The following DNAH2 variants were observed in gnomAD, a reference collection of about 807,000 sequenced individuals.
DNAH2 encodes axonemal beta dynein heavy chain 2.
In DNAH2, 323 loss-of-function variants were observed where a neutral mutation model predicts 523.5. The ratio of observed to expected loss-of-function variants is 0.62; its 90% confidence interval spans 0.56 to 0.68. The LOEUF (loss-of-function observed/expected upper bound fraction) is 0.68, where lower values mean the gene tolerates loss of function less well. DNAH2 is among the 30% of genes least tolerant of loss of function. The pLI, the probability that DNAH2 is intolerant of heterozygous loss-of-function variation, is 0.00. For synonymous variants in DNAH2, 2,093 were observed against 2,177.4 expected, an observed-to-expected ratio of 0.96 and a Z score of 1.08; for missense variants, 4,907 against 5,701.5, an observed-to-expected ratio of 0.86 and a Z score of 4.49.
At chr17:7,796,338 C>T (rs1055978099) in intron 49 of DNAH2, 126 bp from the exon 50 acceptor site, 61 of 1,070,114 alleles carry the variant, frequency 5.7e-5, no homozygotes, top group South Asian at 1.5e-4. Context: ...CATGAGCCAC[C>T]GTGCCCGGCC....
At chr17:7,753,512 G>A (rs926448270) in intron 12 of DNAH2, among the ~76,000 whole-genome samples, 6 of 152,158 alleles carry the variant, frequency 3.9e-5, no homozygotes, top group African/African-American at 7.2e-5. Context: ...TATCCCCAGC[G>A]CCTAGCTGAA....
In DNAH2 at chr17:7,779,425, T is replaced by C; in HGVS notation, c.5722+2T>C. The C allele has an allele frequency of 6.2e-7, 1 of 1,612,988 alleles. No individual in the cohort carries two copies. The highest frequency in any genetic ancestry group is 1.1e-5 in the South Asian group (1 of 90,838). On this transcript the variant is annotated splice_donor_variant, in intron 36 of 85. Coordinates refer to ENST00000572933, the MANE Select transcript of DNAH2 (RefSeq NM_020877.5). LOFTEE classifies it high-confidence loss of function. Reference sequence around the variant, plus strand: ...GGATCTTCATTACCATGAATCCTGGTAGGTGGCAGGGAGTGGATGGGACTC... The same window carrying C: ...GGATCTTCATTACCATGAATCCTGGCAGGTGGCAGGGAGTGGATGGGACTC...
intron 9 of DNAH2, 136 bp downstream of exon 9, chr17:7,740,074 G>GT (rs201420023): frequency 5.3e-6 from 3 of 564,486 alleles, no homozygotes; most frequent in South Asian, 1.9e-5. Context: ...CCCGGGGGGG[G>GT]GGACAGGAGA....
chr17:7,721,004 C>CTTTTTT (rs71159523), intron 2 of DNAH2, among the ~76,000 whole-genome samples: 48 of 109,718 alleles, frequency 4.4e-4, no homozygotes, highest in African/African-American at 7.5e-4. Context: ...TTCTTTCTTT[C>CTTTTTT]TTTTTTTTTT....
chr17:7,742,286 C>G (rs1299797693), intron 11 of DNAH2, among the ~76,000 whole-genome samples: 2 of 152,018 alleles, frequency 1.3e-5, no homozygotes, highest in Non-Finnish European at 2.9e-5. Flanking sequence ...AAAAAGTTAG[C>G]CAGGTGTGGT....
chr17:7,792,395 G>A lies in DNAH2; in HGVS notation c.7145+52G>A, dbSNP rs752022690. 8.9e-6 allele frequency: 14 copies of A among 1,575,370 alleles called. No individual in the cohort carries two copies. In the African/African-American group the frequency reaches 1.9e-4, roughly 21 times the overall value. The stretch of plus-strand genomic sequence containing the variant: ...GGGCATGGGGCAGCGGTAGGTGGGG[G>A]ATGTGGCAAGAGAGATGGGGCCTAG... On this transcript the variant is annotated intron_variant, in intron 46 of 85. Coordinates refer to ENST00000572933, the MANE Select transcript of DNAH2 (RefSeq NM_020877.5).
rs757186674 is a variant in DNAH2 at position 7,740,613 on chromosome 17, C to T, written c.1506+64C>T. On this transcript the variant is annotated intron_variant, in intron 10 of 85. Coordinates refer to ENST00000572933, the MANE Select transcript of DNAH2 (RefSeq NM_020877.5). Reference sequence around the variant, plus strand: ...CGTGCTTTCCTGGAGTCCCTCCTTCCGGAGGCCCTCCTGCCTCCACGTGTG... The same window carrying T: ...CGTGCTTTCCTGGAGTCCCTCCTTCTGGAGGCCCTCCTGCCTCCACGTGTG... The T allele has an allele frequency of 1.2e-4, 190 of 1,594,424 alleles. 1 individual carries two copies. The highest frequency in any genetic ancestry group is 1.5e-4 in the Non-Finnish European group (177 of 1,173,182).
rs200763140 is a variant in DNAH2, at chr17:7,804,233, C to G, written c.8973-23C>G. On this transcript the variant is annotated intron_variant, in intron 58 of 85. Transcript: ENST00000572933. The stretch of plus-strand genomic sequence containing the variant: ...TTTCCGGAAGCCCCGCCTCTCCACA[C>G]CCTGTCCTATTCTTTCCCCCAGGTT... 5.5e-5 allele frequency: 88 copies of G among 1,613,122 alleles called. 1 individual carries two copies. In the African/African-American group the frequency reaches 9.7e-4, roughly 18 times the overall value.
At chr17:7,810,166 T>C (rs2077474770) in intron 63 of DNAH2, among the ~76,000 whole-genome samples, 2 of 151,470 alleles carry the variant, frequency 1.3e-5, no homozygotes, top group Admixed American at 1.3e-4. Context: ...TGGGCTCTGG[T>C]GATCCTCCCA....
intron 10 of DNAH2, 24 bp downstream of exon 10, chr17:7,740,573 C>T (rs998078878): frequency 6.2e-7 from 1 of 1,610,396 alleles, no homozygotes; most frequent in Non-Finnish European, 8.5e-7. Context: ...GCGGCTTCCT[C>T]GGCTTCCCGT....
At chr17:7,784,689 G>T (rs1410663678) in intron 39 of DNAH2, among the ~76,000 whole-genome samples, 1 of 152,200 alleles carries the variant, frequency 6.6e-6, no homozygotes, top group Non-Finnish European at 1.5e-5. Flanking sequence ...AAGATATTCA[G>T]ACCACAGTTT....
chr17:7,817,630 G>C lies in DNAH2; in HGVS notation c.10090G>C (p.Val3364Leu). 6.2e-7 allele frequency: 1 copy of C among 1,614,136 alleles called. No homozygotes were observed. Among genetic ancestry groups the C allele is most frequent in the Non-Finnish European group, 8.5e-7 (1 of 1,180,030 alleles). ...IDNFLCNPTK[V>L]RDWNIQGLPS... ...TAACTTCCTGTGCAATCCTACCAAA[G>C]TCCGGGACTGGAACATCCAAGGGTT... The change falls in exon 66 of 86, where the codon GTC becomes CTC. Residue 3364 changes from valine to leucine, a missense_variant. Val to Leu is a conservative substitution (Grantham distance 32). Around this residue, in one of 3 missense-constraint regions of DNAH2, gnomAD observed 1,851 missense variants for 2,139.4 expected, o/e 0.87. Transcript: ENST00000572933.
rs2077746161 is a variant in DNAH2 at position 7,818,377 on chromosome 17, A to G, written c.10453A>G (p.Ile3485Val). Residue 3485 changes from isoleucine to valine, a missense_variant, in exon 69 of 86, where the codon ATC (isoleucine) becomes GTC (valine). Ile to Val is a conservative substitution (Grantham distance 29). Around this residue, in one of 3 missense-constraint regions of DNAH2, gnomAD observed 1,851 missense variants for 2,139.4 expected, o/e 0.87. Transcript: ENST00000572933. ...VEYNTNFRFY[I>V]TTKLSNPHYS... ...ATATAATACCAATTTCCGTTTCTACATCACCACCAAGCTCTCCAACCCCCA... is the reference window on the plus strand; with the variant it reads ...ATATAATACCAATTTCCGTTTCTACGTCACCACCAAGCTCTCCAACCCCCA... 4 of 1,614,076 alleles carry G rather than the reference A, an allele frequency of 2.5e-6. No homozygotes were observed. The highest frequency in any genetic ancestry group is 2.2e-5 in the East Asian group (1 of 44,894).
chr17:7,733,691 C>A (rs986855464), intron 5 of DNAH2, among the ~76,000 whole-genome samples: 2 of 151,974 alleles, frequency 1.3e-5, no homozygotes, highest in Middle Eastern at 3.2e-3. Flanking sequence ...GTTGGCCAGG[C>A]TGGTCTCGAA....
intron 77 of DNAH2, 90 bp downstream of exon 77, chr17:7,824,817 A>G: frequency 2.6e-6 from 3 of 1,141,904 alleles, no homozygotes; most frequent in Non-Finnish European, 3.5e-6. Flanking sequence ...ACCAACAACA[A>G]CATGATTTGA....
rs1438379739 is a variant in DNAH2 at position 7,832,420 on chromosome 17, G to A, written c.12727-159G>A. ...AGCTACTTGGGAGGCTGAGGCAGGA[G>A]AATAGCTTAACTTGGGAGGTGGAGG... On this transcript the variant is annotated intron_variant, in intron 82 of 85. Transcript: ENST00000572933. The surrounding 1 kb of genome is among the most constrained non-coding windows in gnomAD (Gnocchi z 4.3). Among the ~76,000 whole-genome samples the A allele has an allele frequency of 1.3e-5, 2 of 152,300 alleles. No homozygotes were observed. The highest frequency in any genetic ancestry group is 3.4e-3 in the Middle Eastern group (1 of 294).
In DNAH2 at chr17:7,732,032, A is replaced by G. The variant is rs1414296138; in HGVS notation, c.400-1055A>G. Among the ~76,000 whole-genome samples the G allele has an allele frequency of 8.4e-5, 4 of 47,878 alleles. No individual in the cohort carries two copies. The South Asian group carries it at 4.8e-3, about 58-fold the overall frequency. 31.4% of individuals were successfully genotyped at this position (47,878 alleles called of 152,430 possible). ...CAACAACAGCGAAACTTCGTCTCAA[A>G]AAAAAAAAAAAAAAGGACACAAAAT... On this transcript the variant is annotated intron_variant, in intron 4 of 85. Transcript: ENST00000572933.
intron 6 of DNAH2, 69 bp from the exon 7 acceptor site, chr17:7,734,401 C>T (rs998390289): frequency 2.3e-5 from 36 of 1,596,244 alleles, no homozygotes; most frequent in Admixed American, 1.2e-4. Flanking sequence ...GTCGGGGTTG[C>T]GGGGAGTGAA....
At chr17:7,822,266 C>T (rs775644954) in intron 73 of DNAH2, among the ~76,000 whole-genome samples, 101 of 152,208 alleles carry the variant, frequency 6.6e-4, no homozygotes, top group Non-Finnish European at 1.2e-3. Context: ...CCACTGTGCC[C>T]GGCCTGAGAG....
Sources: gnomAD v4.1 joint callset for allele counts (sites outside exome capture counted in the v4.1 genomes callset) on GRCh38, gnomAD v4.1.1 for gene constraint, gnomAD v4.1.1 regional missense constraint, Gnocchi (gnomAD v3.1) non-coding constraint, MANE v1.5 for transcripts, NCBI Gene and HGNC (gene_info 2026-07-23, HGNC 2026-07-21) for gene names.